CSMD1: variants seen among roughly 807,000 people sequenced by gnomAD.
CSMD1 encodes CUB and Sushi multiple domains 1.
In CSMD1, 213 loss-of-function variants were observed where a neutral mutation model predicts 417.5. The observed-to-expected ratio is 0.51, with a 90% CI of 0.46 to 0.57. The LOEUF is 0.57. Among genes scored for constraint, CSMD1 ranks in the 20% least tolerant of loss-of-function variants. CSMD1 has a pLI of 0.00. For synonymous variants in CSMD1, 2,862 were observed against 1,736.8 expected (o/e 1.65, Z -16.11); for missense variants, 6,923 against 4,529.7 (o/e 1.53, Z -15.17).
intron 3 of CSMD1, among the ~76,000 whole-genome samples, chr8:4,343,111 T>C (rs1003733592): frequency 6.6e-6 from 1 of 152,124 alleles, no homozygotes. Flanking sequence ...TGGGGTATTT[T>C]ATAACTCTCC....
At chr8:3,956,022 T>C (rs941527371) in intron 5 of CSMD1, among the ~76,000 whole-genome samples, 2 of 152,190 alleles carry the variant, frequency 1.3e-5, no homozygotes, top group African/African-American at 4.8e-5. Flanking sequence ...CTCGAACTCC[T>C]GACCTCAGGT....
chr8:3,677,831 A>G (rs1799455378), intron 7 of CSMD1, among the ~76,000 whole-genome samples: 1 of 152,168 alleles, frequency 6.6e-6, no homozygotes, highest in Non-Finnish European at 1.5e-5. Flanking sequence ...GCATATTTCA[A>G]TAACATTCTT....
intron 5 of CSMD1, among the ~76,000 whole-genome samples, chr8:3,871,450 T>C (rs925738440): frequency 3.9e-5 from 6 of 152,180 alleles, no homozygotes; most frequent in Non-Finnish European, 5.9e-5. Context: ...TCAACTTGCA[T>C]TATTCTAAAT....
At chr8:3,682,277 T>C (rs1799705775) in intron 7 of CSMD1, among the ~76,000 whole-genome samples, 1 of 152,070 alleles carries the variant, frequency 6.6e-6, no homozygotes, top group African/African-American at 2.4e-5. Context: ...GGATAAAATT[T>C]TTGCAATCTA....
At chr8:4,763,726 G>A (rs1812269068) in intron 1 of CSMD1, among the ~76,000 whole-genome samples, 1 of 152,174 alleles carries the variant, frequency 6.6e-6, no homozygotes, top group South Asian at 2.1e-4. Flanking sequence ...AATATGCAAT[G>A]TACTGGTTCT....
intron 3 of CSMD1, among the ~76,000 whole-genome samples, chr8:4,126,801 GT>G (rs1315575500): frequency 6.6e-6 from 1 of 152,190 alleles, no homozygotes; most frequent in Non-Finnish European, 1.5e-5. Context: ...TTCTGGAGAT[GT>G]GTCCTAACCT....
chr8:3,616,758 G>C lies in CSMD1; in HGVS notation c.1049C>G (p.Pro350Arg), dbSNP rs867309071. The C allele has an allele frequency of 1.9e-6, 3 of 1,612,446 alleles. No homozygotes were observed. Among genetic ancestry groups the C allele is most frequent in the Admixed American group, 1.7e-5 (1 of 59,864 alleles). Residue 350 changes from proline to arginine, a missense_variant, in exon 8 of 70, where the codon CCA (proline) becomes CGA (arginine). Coordinates refer to ENST00000635120, the MANE Select transcript of CSMD1 (RefSeq NM_033225.6). ...ACCATTTTCTGGAATCCCAGGATCTGGACACATGTCAGAGACCAATGCAAC... is the reference window on the plus strand; with the variant it reads ...ACCATTTTCTGGAATCCCAGGATCTCGACACATGTCAGAGACCAATGCAAC... ...GGVALVSDMCPDPGIPENGRR... is the reference protein window; with the variant it reads ...GGVALVSDMCRDPGIPENGRR...
chr8:4,224,267 G>A (rs777701601), intron 3 of CSMD1, among the ~76,000 whole-genome samples: 64 of 152,100 alleles, frequency 4.2e-4, no homozygotes, highest in Admixed American at 6.5e-4. Flanking sequence ...GCTTGCACAC[G>A]TTTTTCCATA....
At chr8:3,217,755 G>A (rs1324348145) in intron 29 of CSMD1, among the ~76,000 whole-genome samples, 1 of 152,094 alleles carries the variant, frequency 6.6e-6, no homozygotes, top group Non-Finnish European at 1.5e-5. Context: ...CCCTAAGTGT[G>A]CAGATTCTGA....
chr8:4,721,800 G>A (rs1809071747), intron 1 of CSMD1, among the ~76,000 whole-genome samples: 1 of 152,100 alleles, frequency 6.6e-6, no homozygotes, highest in South Asian at 2.1e-4. Context: ...GGTATGTAAA[G>A]AACCTAGGCA....
chr8:3,670,443 T>C lies in CSMD1; in HGVS notation c.1009+37971A>G, dbSNP rs182330792. Among the ~76,000 whole-genome samples, 129 of 149,846 alleles carry C rather than the reference T, an allele frequency of 8.6e-4. No individual in the cohort carries two copies. The East Asian group carries it at 9.1e-3, about 11-fold the overall frequency. ...AAAACCTAATAAACTCCCCTTTATATATATATAAATATCCCATATATATGT... is the reference window on the plus strand; with the variant it reads ...AAAACCTAATAAACTCCCCTTTATACATATATAAATATCCCATATATATGT... On this transcript the variant is annotated intron_variant, in intron 7 of 69. Transcript: ENST00000635120.
chr8:3,107,841 T>C, intron 44 of CSMD1, 43 bp from the exon 45 acceptor site: 2 of 1,249,346 alleles, frequency 1.6e-6, no homozygotes, highest in Non-Finnish European at 2.3e-6. Flanking sequence ...GCAATTACAC[T>C]TGCTGAATAA....
At chr8:4,666,242 T>C (rs1345308731) in intron 1 of CSMD1, among the ~76,000 whole-genome samples, 1 of 152,148 alleles carries the variant, frequency 6.6e-6, no homozygotes, top group Non-Finnish European at 1.5e-5. Flanking sequence ...TGGAGGGGAA[T>C]CAAGGTAACA....
At chr8:3,343,739 C>G (rs185489118) in intron 22 of CSMD1, among the ~76,000 whole-genome samples, 1 of 152,046 alleles carries the variant, frequency 6.6e-6, no homozygotes, top group Non-Finnish European at 1.5e-5. Context: ...ATAAATATTT[C>G]TTTACATTTC....
At position 3,558,353 on chromosome 8, in the gene CSMD1, C is replaced by T. The variant is rs796147646; in HGVS notation, c.1344+16592G>A. 6.8e-3 allele frequency among the ~76,000 whole-genome samples: 821 copies of T among 120,790 alleles called. 39 individuals are homozygous for T. The highest frequency in any genetic ancestry group is 0.013 in the Middle Eastern group (3 of 234). The allele number at this position is 120,790 out of a possible 152,430, so 79.2% of individuals were successfully genotyped here. The stretch of plus-strand genomic sequence containing the variant: ...GCCTCAGTAGTACCCCGTGTCCACT[C>T]CTCCAATGATGAATGGTGCCTCAGT... On this transcript the variant is annotated intron_variant, in intron 10 of 69. Transcript: ENST00000635120.
At chr8:3,441,590 A>C (rs1331663576) in intron 12 of CSMD1, among the ~76,000 whole-genome samples, 1 of 151,676 alleles carries the variant, frequency 6.6e-6, no homozygotes, top group Non-Finnish European at 1.5e-5. Context: ...GTCCCATAAG[A>C]TTATAATGTA....
chr8:4,434,290 T>C (rs1473825352), intron 2 of CSMD1, among the ~76,000 whole-genome samples: 1 of 152,170 alleles, frequency 6.6e-6, no homozygotes, highest in African/African-American at 2.4e-5. Context: ...TGCTTGAACC[T>C]TGGAGATGGA....
chr8:3,996,475 A>C (rs1220680315), intron 5 of CSMD1, among the ~76,000 whole-genome samples: 1 of 152,022 alleles, frequency 6.6e-6, no homozygotes, highest in Non-Finnish European at 1.5e-5. Context: ...CTCTTTTTAC[A>C]AATCGACTTG....
intron 5 of CSMD1, among the ~76,000 whole-genome samples, chr8:3,867,860 G>C (rs182597560): frequency 6.6e-6 from 1 of 152,092 alleles, no homozygotes; most frequent in Admixed American, 6.6e-5. Context: ...AAGAAGCATG[G>C]ACCACTGGCC....
Sources: allele counts gnomAD v4.1 joint callset (sites outside exome capture counted in the v4.1 genomes callset), GRCh38; gene constraint gnomAD v4.1.1; transcripts MANE v1.5; gene names NCBI Gene and HGNC (gene_info 2026-07-23, HGNC 2026-07-21).